Variants in NAALADL2 observed in about 807,000 individuals in gnomAD.
NAALADL2 encodes N-acetylated alpha-linked acidic dipeptidase like 2.
In NAALADL2, 76 loss-of-function variants were observed where a neutral mutation model predicts 87.2. That is an observed-to-expected ratio of 0.87 (90% CI 0.72 to 1.05). The LOEUF (loss-of-function observed/expected upper bound fraction) is 1.05. NAALADL2 is among the 50% of genes least tolerant of loss of function. NAALADL2 has a pLI of 0.00. For synonymous variants in NAALADL2, 354 were observed against 331.0 expected (o/e 1.07, Z -0.75); for missense variants, 1,089 against 945.8 (o/e 1.15, Z -1.99).
At chr3:175,131,458 C>T (rs867342296) in intron 2 of NAALADL2, among the ~76,000 whole-genome samples, 12 of 152,174 alleles carry the variant, frequency 7.9e-5, no homozygotes, top group Middle Eastern at 3.4e-3. Context: ...TCAGAGAGCA[C>T]GGGGTTGGGG....
chr3:174,976,363 C>G (rs547962598), intron 1 of NAALADL2, among the ~76,000 whole-genome samples: 88 of 152,174 alleles, frequency 5.8e-4, no homozygotes, highest in African/African-American at 2.0e-3. Flanking sequence ...TTTAAGTACA[C>G]ATAAGTAAAA....
chr3:174,516,642 C>A (rs528964464), intron 1 of NAALADL2, among the ~76,000 whole-genome samples: 23 of 152,120 alleles, frequency 1.5e-4, no homozygotes, highest in African/African-American at 5.5e-4. Flanking sequence ...ATTCATTTAA[C>A]AAAGATGATA....
At chr3:174,985,662 A>G (rs1296803314) in intron 1 of NAALADL2, among the ~76,000 whole-genome samples, 2 of 152,164 alleles carry the variant, frequency 1.3e-5, no homozygotes, top group African/African-American at 4.8e-5. Context: ...TGAGTTCTTA[A>G]AAAGGGTAGG....
intron 1 of NAALADL2, among the ~76,000 whole-genome samples, chr3:174,485,003 G>A (rs187984556): frequency 3.3e-5 from 5 of 151,880 alleles, no homozygotes; most frequent in Non-Finnish European, 5.9e-5. Flanking sequence ...GTAAATAATT[G>A]GGGTCCCAAA....
At chr3:174,715,086 A>T (rs1043336156) in intron 2 of NAALADL2, among the ~76,000 whole-genome samples, 1 of 152,192 alleles carries the variant, frequency 6.6e-6, no homozygotes, top group African/African-American at 2.4e-5. Flanking sequence ...AAAAAACTGG[A>T]AATGGCCCTT....
chr3:175,374,867 CT>C (rs1475004948), intron 5 of NAALADL2, among the ~76,000 whole-genome samples: 1 of 148,632 alleles, frequency 6.7e-6, no homozygotes, highest in Non-Finnish European at 1.5e-5. Context: ...CAATGAGACC[CT>C]GTCGCAAATA....
intron 5 of NAALADL2, among the ~76,000 whole-genome samples, chr3:175,414,002 T>G (rs1714113866): frequency 6.6e-6 from 1 of 152,320 alleles, no homozygotes; most frequent in South Asian, 2.1e-4. Flanking sequence ...CCTTGTCTTC[T>G]GTCCATATCA....
intron 3 of NAALADL2, among the ~76,000 whole-genome samples, chr3:174,793,175 A>G (rs1176649074): frequency 1.3e-5 from 2 of 152,078 alleles, no homozygotes. Context: ...GTTTTGTTCT[A>G]TTCTTTTATG....
At chr3:175,794,044 G>T (rs559013237) in intron 13 of NAALADL2, among the ~76,000 whole-genome samples, 8 of 152,076 alleles carry the variant, frequency 5.3e-5, no homozygotes, top group Non-Finnish European at 1.0e-4. Context: ...ATTTTGTTTC[G>T]TTTTGTGACC....
intron 9 of NAALADL2, among the ~76,000 whole-genome samples, chr3:175,488,452 G>T (rs1358252214): frequency 6.6e-6 from 1 of 152,202 alleles, no homozygotes. Flanking sequence ...TAGGTGCTGG[G>T]ATGTGTGTGT....
intron 5 of NAALADL2, among the ~76,000 whole-genome samples, chr3:175,328,646 AT>A (rs1336393568): frequency 6.6e-6 from 1 of 152,158 alleles, no homozygotes; most frequent in Non-Finnish European, 1.5e-5. Context: ...CAAAAAATCA[AT>A]TCTCAATCTT....
intron 5 of NAALADL2, among the ~76,000 whole-genome samples, chr3:175,416,122 A>AAAAT (rs889885095): frequency 9.2e-5 from 14 of 152,112 alleles, no homozygotes; most frequent in South Asian, 6.2e-4. Flanking sequence ...ACCTCATCTT[A>AAAAT]AAATAAATAA....
At chr3:174,882,533 A>G (rs9843846) in intron 1 of NAALADL2, among the ~76,000 whole-genome samples, 56,495 of 148,148 alleles carry the variant, frequency 0.38, 12,253 homozygotes, top group African/African-American at 0.61. Context: ...ATACACATAT[A>G]TGCATACACA....
At chr3:175,344,097 G>A (rs1217524673) in intron 5 of NAALADL2, among the ~76,000 whole-genome samples, 1 of 152,032 alleles carries the variant, frequency 6.6e-6, no homozygotes, top group African/African-American at 2.4e-5. Flanking sequence ...CCATGATCAT[G>A]GACTGCTTTT....
chr3:175,623,443 T>C (rs958964746), intron 10 of NAALADL2, among the ~76,000 whole-genome samples: 3 of 152,080 alleles, frequency 2.0e-5, no homozygotes, highest in African/African-American at 7.2e-5. Flanking sequence ...AGAAATCTTA[T>C]TGAAGGCATG....
intron 3 of NAALADL2, among the ~76,000 whole-genome samples, chr3:174,765,139 CACACGA>C (rs754882547): frequency 3.6e-4 from 45 of 124,462 alleles, no homozygotes; most frequent in African/African-American, 5.8e-4. Flanking sequence ...CACACACACA[CACACGA>C]GAGAGAGAGA....
rs144116669 is a variant in NAALADL2 at position 175,295,808 on chromosome 3, A to G, written c.940-28367A>G. The stretch of plus-strand genomic sequence containing the variant: ...TCAGACAATTTCCTAAAGCCCTAAA[A>G]CAATCATACAATGACTTTTATAATC... On this transcript the variant is annotated intron_variant, in intron 4 of 13. Transcript: ENST00000454872. 3.3e-3 allele frequency among the ~76,000 whole-genome samples: 499 copies of G among 152,068 alleles called. 1 individual carries two copies. The highest frequency in any genetic ancestry group is 9.1e-3 in the Admixed American group (139 of 15,256).
In NAALADL2 at chr3:175,474,740, T is replaced by G. The variant is rs980135604; in HGVS notation, c.1653+2982T>G. Reference sequence around the variant, plus strand: ...CTAGTGATTCAGGACTGCTTTTCCCTACCTCTTCAGTGCCTTTCAGCAATA... The same window carrying G: ...CTAGTGATTCAGGACTGCTTTTCCCGACCTCTTCAGTGCCTTTCAGCAATA... On this transcript the variant is annotated intron_variant, in intron 9 of 13. Coordinates refer to ENST00000454872, the MANE Select transcript of NAALADL2 (RefSeq NM_207015.3). Among the ~76,000 whole-genome samples the G allele has an allele frequency of 2.0e-5, 3 of 150,530 alleles. No individual in the cohort carries two copies. In the Admixed American group the frequency reaches 2.0e-4, roughly 10 times the overall value.
At chr3:174,475,307 GAAAA>G (rs1190223533) in intron 1 of NAALADL2, among the ~76,000 whole-genome samples, 1 of 151,640 alleles carries the variant, frequency 6.6e-6, no homozygotes, top group Non-Finnish European at 1.5e-5. Flanking sequence ...AAAAGTGAAA[GAAAA>G]AACTATTTGT....
Sources: allele counts gnomAD v4.1 joint callset (sites outside exome capture counted in the v4.1 genomes callset), GRCh38; gene constraint gnomAD v4.1.1; transcripts MANE v1.5; gene names NCBI Gene and HGNC (gene_info 2026-07-23, HGNC 2026-07-21).